TRANK1: variants seen among roughly 807,000 people sequenced by gnomAD.
The protein encoded by TRANK1 is TPR and ankyrin repeat-containing protein 1.
Under a neutral mutation model 266.0 loss-of-function variants are expected in TRANK1, and 198 were observed. That is an observed-to-expected ratio of 0.74 (90% CI 0.66 to 0.84). The LOEUF is 0.84. TRANK1 is among the 40% of genes least tolerant of loss of function. TRANK1 has a pLI of 0.00. For missense variants in TRANK1, 3,326 were observed against 3,634.6 expected, an observed-to-expected ratio of 0.92 and a Z score of 2.18; for synonymous variants, 1,396 against 1,384.1, an observed-to-expected ratio of 1.01 and a Z score of -0.19.
rs1457371499 is a variant in TRANK1, at chr3:36,826,909, A to C, written c.*1366T>G. ...TTTTTCTGTCAAGTAAGAAAAAAAAACACCTGGAATAAAAATTAGAAACAT... is the reference window on the plus strand; with the variant it reads ...TTTTTCTGTCAAGTAAGAAAAAAAACCACCTGGAATAAAAATTAGAAACAT... On this transcript the variant is annotated 3_prime_UTR_variant, in exon 24 of 24. Coordinates refer to ENST00000645898, the MANE Select transcript of TRANK1 (RefSeq NM_001329998.2). 6.6e-6 allele frequency: 1 copy of C among 152,234 alleles called. No homozygotes were observed. Among genetic ancestry groups the C allele is most frequent in the Non-Finnish European group, 1.5e-5 (1 of 68,044 alleles). The allele number at this position is 152,234 out of a possible 1,614,324, so 9.4% of individuals were successfully genotyped here. A position where few individuals can be genotyped will look rare whatever the true frequency, so the allele number is the denominator to read the frequency against.
chr3:36,880,681 C>A, intron 8 of TRANK1: 1 of 165,960 alleles, frequency 6.0e-6, no homozygotes, highest in South Asian at 1.6e-4. Context: ...TTACTCTTTC[C>A]ATTCTGTTTC....
chr3:36,937,906 C>T (rs952767640), intron 1 of TRANK1, among the ~76,000 whole-genome samples: 1 of 152,158 alleles, frequency 6.6e-6, no homozygotes, highest in Non-Finnish European at 1.5e-5. Context: ...TAATAGCAGC[C>T]CAGGCATCTC....
rs2078703492 is a variant in TRANK1 at position 36,832,101 on chromosome 3, G to A, written c.7482C>T (p.Ser2494=). 1 of 1,613,840 alleles carries A rather than the reference G, an allele frequency of 6.2e-7. No homozygotes were observed. The highest frequency in any genetic ancestry group is 1.1e-5 in the South Asian group (1 of 91,082). Residue 2494 remains serine (S), a synonymous_variant, in exon 22 of 24, where the codon AGC becomes AGT. Coordinates refer to ENST00000645898, the MANE Select transcript of TRANK1 (RefSeq NM_001329998.2). ...CATCCCCAAGCTCCTTGTCCTTCTT[G>A]CTAAACAGGAACTCCCAGTAGTGCA... ...ALLHYWEFLF[S]KKDKELGDVF...
Position 36,864,486 on chromosome 3 carries a change from A to G in TRANK1, c.1079-6T>C. The G allele has an allele frequency of 6.6e-7, 1 of 1,519,512 alleles. No individual in the cohort carries two copies. The highest frequency in any genetic ancestry group is 8.8e-7 in the Non-Finnish European group (1 of 1,141,624). 94.1% of individuals were successfully genotyped at this position (1,519,512 alleles called of 1,614,324 possible). ...TCCATCACCATTGCTGAATCCTACA[A>G]AACAGCACCAGGTAATGCTTCTGAA... On this transcript the variant is annotated splice_region_variant and splice_polypyrimidine_tract_variant and intron_variant, in intron 9 of 23. Coordinates refer to ENST00000645898, the MANE Select transcript of TRANK1 (RefSeq NM_001329998.2).
At position 36,918,617 on chromosome 3, in the gene TRANK1, A is replaced by AAG. The variant is rs1189008880; in HGVS notation, c.24-10165_24-10164dup. Among the ~76,000 whole-genome samples, 54 of 147,512 alleles carry AAG rather than the reference A, an allele frequency of 3.7e-4. 1 individual carries two copies. The highest frequency in any genetic ancestry group is 1.3e-3 in the African/African-American group (53 of 39,350). On this transcript the variant is annotated intron_variant, in intron 1 of 23. Transcript: ENST00000645898. ...AAGGAAGGAAGGAAGGAAAGAAAGA[A>AAG]AGAAAGAAAGAAAGAAAGAAAGAGA...
intron 9 of TRANK1, among the ~76,000 whole-genome samples, chr3:36,869,249 G>A (rs147811454): frequency 2.6e-3 from 396 of 152,248 alleles, no homozygotes; most frequent in African/African-American, 9.2e-3. Context: ...ATGTTAAGAT[G>A]GAGAAACACT....
At position 36,831,134 on chromosome 3, in the gene TRANK1, A is replaced by G. The variant is rs759145525; in HGVS notation, c.8449T>C (p.Ser2817Pro). 2.5e-6 allele frequency: 4 copies of G among 1,613,578 alleles called. No individual in the cohort carries two copies. Among genetic ancestry groups the G allele is most frequent in the African/African-American group, 2.7e-5 (2 of 74,790 alleles). ...TCTAGATGGATATGCTGCTCGTAAGACTCGCTGTTCCTCTCCTGACACTCC... is the reference window on the plus strand; with the variant it reads ...TCTAGATGGATATGCTGCTCGTAAGGCTCGCTGTTCCTCTCCTGACACTCC... ...REECQERNSE[S>P]YEQHIHLEHH... The change falls in exon 22 of 24, where the codon TCT becomes CCT. Residue 2817 changes from serine (S) to proline (P), a missense_variant. Ser to Pro is a moderately conservative substitution (Grantham distance 74, BLOSUM62 -1). Transcript: ENST00000645898. This position sits in a 1 kb window ranked among gnomAD's most constrained non-coding sequence, Gnocchi z 5.0.
chr3:36,856,118 A>G lies in TRANK1; in HGVS notation c.3604T>C (p.Cys1202Arg). The change falls in exon 13 of 24, where the codon TGC (cysteine) becomes CGC (arginine). Residue 1202 changes from cysteine (C) to arginine (R), a missense_variant. Coordinates refer to ENST00000645898, the MANE Select transcript of TRANK1 (RefSeq NM_001329998.2). ...ATGAAATTCCTTTGTACCTCCTGGC[A>G]CAGCACATGGTTCTTGGTCACAAAG... is the stretch of plus-strand genomic sequence containing the variant. ...QIFVTKNHVL[C>R]QEVQRNFIEL... 1 of 1,613,862 alleles carries G rather than the reference A, an allele frequency of 6.2e-7. No individual in the cohort carries two copies. Among genetic ancestry groups the G allele is most frequent in the East Asian group, 2.2e-5 (1 of 44,846 alleles).
intron 5 of TRANK1, 27 bp downstream of exon 5, chr3:36,895,613 C>G (rs1399583539): frequency 1.5e-6 from 2 of 1,372,420 alleles, no homozygotes; most frequent in Non-Finnish European, 2.0e-6. Flanking sequence ...TGTACTCTCC[C>G]CGTGAGAGCC....
intron 14 of TRANK1, 50 bp downstream of exon 14, chr3:36,852,096 C>A: frequency 6.6e-7 from 1 of 1,516,870 alleles, no homozygotes; most frequent in South Asian, 1.3e-5. Context: ...AAACTTTTTT[C>A]AATTGCAAAC....
chr3:36,915,112 C>T (rs1367392764), intron 1 of TRANK1, among the ~76,000 whole-genome samples: 9 of 152,012 alleles, frequency 5.9e-5, no homozygotes, highest in Non-Finnish European at 7.4e-5. Flanking sequence ...CCACCACGCC[C>T]GGCTAATTTT....
chr3:36,934,518 C>T (rs1575335117), intron 1 of TRANK1, among the ~76,000 whole-genome samples: 1 of 152,160 alleles, frequency 6.6e-6, no homozygotes, highest in Non-Finnish European at 1.5e-5. Flanking sequence ...CCTGTTTCAT[C>T]CTTCTCTACA....
In TRANK1 at chr3:36,857,751, C is replaced by T. The variant is rs2079078773; in HGVS notation, c.1971G>A (p.Arg657=). Residue 657 remains arginine (R), a synonymous_variant, in exon 13 of 24, where the codon CGG becomes CGA. Coordinates refer to ENST00000645898, the MANE Select transcript of TRANK1 (RefSeq NM_001329998.2). This position sits in a 1 kb window ranked among gnomAD's most constrained non-coding sequence, Gnocchi z 4.3. The stretch of plus-strand genomic sequence containing the variant: ...TCCCCAGGTGGGCAGCAGAGTCCTG[C>T]CGGCTCCTCCTCCTGTTCTCCATCA... ...KALMENRRRS[R]QDSAAHLGKL... is the part of the protein sequence containing the mutation. 1 of 1,613,992 alleles carries T rather than the reference C, an allele frequency of 6.2e-7. No homozygotes were observed. Among genetic ancestry groups the T allele is most frequent in the African/African-American group, 1.3e-5 (1 of 75,048 alleles).
intron 1 of TRANK1, among the ~76,000 whole-genome samples, chr3:36,930,421 G>C (rs1394553864): frequency 1.3e-5 from 2 of 152,096 alleles, no homozygotes; most frequent in Admixed American, 6.6e-5. Context: ...CCAACATCTT[G>C]GTTTTCGCCA....
At chr3:36,945,571 G>A (rs1025757608), upstream of TRANK1, among the ~76,000 whole-genome samples, 1 of 152,190 alleles carries the variant, frequency 6.6e-6, no homozygotes, top group African/African-American at 2.4e-5. Flanking sequence ...GAGTAAGTGC[G>A]CACAGGCCTG....
intron 1 of TRANK1, among the ~76,000 whole-genome samples, chr3:36,940,676 G>A (rs2080485302): frequency 1.3e-5 from 2 of 152,106 alleles, no homozygotes; most frequent in Admixed American, 1.3e-4. Context: ...GAGCTTGTCT[G>A]CACCTCCACT....
At position 36,855,339 on chromosome 3, in the gene TRANK1, G is replaced by A. The variant is rs1435125468; in HGVS notation, c.4383C>T (p.Phe1461=). 2 of 1,614,054 alleles carry A rather than the reference G, an allele frequency of 1.2e-6. No individual in the cohort carries two copies. Among genetic ancestry groups the A allele is most frequent in the Non-Finnish European group, 1.7e-6 (2 of 1,179,896 alleles). The change falls in exon 13 of 24, where the codon TTC becomes TTT. Residue 1461 remains phenylalanine (F), a synonymous_variant. Transcript: ENST00000645898. ...TGCTCTGGGCCGTGTCCCCCGTGAG[G>A]AACATAGAGTTGGGGTCATTGATGC... ...MKCINDPNSM[F]LTGDTAQSIM...
rs370568929 is a variant in TRANK1 at position 36,834,834 on chromosome 3, T to C, written c.5591A>G (p.Gln1864Arg). Residue 1864 changes from glutamine to arginine, a missense_variant, in exon 21 of 24, where the codon CAG becomes CGG. Physicochemically the swap from Gln to Arg is conservative, Grantham distance 43. Transcript: ENST00000645898. ...CATTTTGAGTGCTAGATCAAATTCC[T>C]GAATCTGCTCAAAGCATCTGAAAGC... ...KDAFRCFEQI[Q>R]EFDLALKMYC... The C allele has an allele frequency of 1.2e-5, 20 of 1,613,710 alleles. No homozygotes were observed. The highest frequency in any genetic ancestry group is 1.7e-5 in the Non-Finnish European group (20 of 1,179,868).
intron 8 of TRANK1, among the ~76,000 whole-genome samples, chr3:36,876,373 A>G (rs936399504): frequency 2.0e-5 from 3 of 152,256 alleles, no homozygotes; most frequent in African/African-American, 7.2e-5. Context: ...AATCCTGGCC[A>G]GGGCCTTGCC....
Sources: allele counts gnomAD v4.1 joint callset (sites outside exome capture counted in the v4.1 genomes callset), GRCh38; gene constraint gnomAD v4.1.1; non-coding constraint Gnocchi (gnomAD v3.1); transcripts MANE v1.5; gene names NCBI Gene and HGNC (gene_info 2026-07-23, HGNC 2026-07-21).